Variants in ZNF804B observed in about 807,000 individuals in gnomAD.
ZNF804B encodes zinc finger protein 804B.
Under a neutral mutation model 101.4 loss-of-function variants are expected in ZNF804B, and 80 were observed. The observed-to-expected ratio is 0.79, with a 90% CI of 0.66 to 0.95. The LOEUF (loss-of-function observed/expected upper bound fraction) is 0.95, where lower values mean the gene tolerates loss of function less well. Among genes scored for constraint, ZNF804B ranks in the 40% least tolerant of loss-of-function variants. The pLI, the probability that ZNF804B is intolerant of heterozygous loss-of-function variation, is 0.00. For missense variants in ZNF804B, 1,673 were observed against 1,561.9 expected (o/e 1.07, Z -1.20); for synonymous variants, 622 against 558.8 (o/e 1.11, Z -1.59).
chr7:88,811,494 A>C (rs1790786550), intron 1 of ZNF804B, among the ~76,000 whole-genome samples: 1 of 152,218 alleles, frequency 6.6e-6, no homozygotes, highest in Admixed American at 6.5e-5. Context: ...AAGGACTATA[A>C]AACATTCTAT....
chr7:88,917,963 G>T (rs539711679), intron 1 of ZNF804B, among the ~76,000 whole-genome samples: 90 of 152,242 alleles, frequency 5.9e-4, no homozygotes, highest in African/African-American at 2.0e-3. Flanking sequence ...GTTAAGGAAA[G>T]AAATTAATGA....
At chr7:88,998,390 A>T (rs974031639) in intron 1 of ZNF804B, among the ~76,000 whole-genome samples, 1 of 152,076 alleles carries the variant, frequency 6.6e-6, no homozygotes, top group African/African-American at 2.4e-5. Context: ...CATAAATGAC[A>T]TTGGAAGAAA....
rs78422015 is a variant in ZNF804B, at chr7:89,073,753, A to C, written c.109-144402A>C. Among the ~76,000 whole-genome samples the C allele has an allele frequency of 1.9e-3, 289 of 152,288 alleles. 1 individual carries two copies. The highest frequency in any genetic ancestry group is 3.5e-3 in the Non-Finnish European group (239 of 68,018). ...CTCATCTGTGAAATAATCTGTGTACATCTTAAAATACTTTTGATCTGTGTT... is the reference window on the plus strand; with the variant it reads ...CTCATCTGTGAAATAATCTGTGTACCTCTTAAAATACTTTTGATCTGTGTT... On this transcript the variant is annotated intron_variant, in intron 1 of 3. Coordinates refer to ENST00000333190, the MANE Select transcript of ZNF804B (RefSeq NM_181646.5).
intron 1 of ZNF804B, among the ~76,000 whole-genome samples, chr7:88,991,567 A>T (rs1793847066): frequency 6.6e-6 from 1 of 152,154 alleles, no homozygotes; most frequent in African/African-American, 2.4e-5. Flanking sequence ...TTTCTCAGAA[A>T]ATCCAGGAAT....
At chr7:89,015,739 T>A (rs568601527) in intron 1 of ZNF804B, among the ~76,000 whole-genome samples, 2 of 152,336 alleles carry the variant, frequency 1.3e-5, no homozygotes, top group South Asian at 4.1e-4. Flanking sequence ...TCTATCATTG[T>A]TGGACATTTG....
intron 1 of ZNF804B, among the ~76,000 whole-genome samples, chr7:89,085,950 C>T (rs904388626): frequency 1.3e-5 from 2 of 151,768 alleles, no homozygotes; most frequent in African/African-American, 4.8e-5. Context: ...ATTGCTTTTC[C>T]AACCCATTTT....
intron 1 of ZNF804B, chr7:88,794,233 A>T: frequency 6.2e-7 from 1 of 1,613,442 alleles, no homozygotes; most frequent in South Asian, 1.1e-5. Context: ...AGTGATGTGT[A>T]TGGGTCTATT....
At chr7:88,858,648 C>G (rs78529339) in intron 1 of ZNF804B, among the ~76,000 whole-genome samples, 4,291 of 151,854 alleles carry the variant, frequency 0.028, 214 homozygotes, top group African/African-American at 0.098. Flanking sequence ...CAAGTACAGA[C>G]ATGATTAAAA....
At chr7:89,174,855 G>C (rs1791295402) in intron 1 of ZNF804B, among the ~76,000 whole-genome samples, 3 of 151,994 alleles carry the variant, frequency 2.0e-5, no homozygotes, top group Admixed American at 2.0e-4. Context: ...AGGATGTAGA[G>C]TGCCTTTTTA....
chr7:88,872,012 A>C (rs1791831408), intron 1 of ZNF804B, among the ~76,000 whole-genome samples: 1 of 152,036 alleles, frequency 6.6e-6, no homozygotes, highest in African/African-American at 2.4e-5. Flanking sequence ...ATATGTAGGA[A>C]ATTTTATGAT....
chr7:89,193,302 C>G (rs1222006018), intron 1 of ZNF804B, among the ~76,000 whole-genome samples: 2 of 137,314 alleles, frequency 1.5e-5, no homozygotes, highest in Admixed American at 1.5e-4. Context: ...TACTTTCTAT[C>G]TTTATTTTTT....
chr7:89,324,607 C>CTTTTTTTTTTTTTT (rs35905388), intron 2 of ZNF804B, among the ~76,000 whole-genome samples: 5 of 109,564 alleles, frequency 4.6e-5, no homozygotes, highest in African/African-American at 6.9e-5. Flanking sequence ...TACCTTCTTA[C>CTTTTTTTTTTTTTT]TTTTTTTTTT....
intron 1 of ZNF804B, among the ~76,000 whole-genome samples, chr7:89,183,226 T>A (rs556503913): frequency 6.6e-6 from 1 of 152,142 alleles, no homozygotes; most frequent in African/African-American, 2.4e-5. Flanking sequence ...TCATAAACCT[T>A]GACAGGAACA....
At chr7:89,200,098 T>C (rs1260208579) in intron 1 of ZNF804B, among the ~76,000 whole-genome samples, 2 of 151,792 alleles carry the variant, frequency 1.3e-5, no homozygotes, top group Non-Finnish European at 2.9e-5. Context: ...GAGAGTGATA[T>C]TGTTATCCTC....
intron 1 of ZNF804B, among the ~76,000 whole-genome samples, chr7:89,095,921 G>A (rs1318751463): frequency 6.6e-6 from 1 of 152,116 alleles, no homozygotes; most frequent in Non-Finnish European, 1.5e-5. Context: ...GCAGGCCAAG[G>A]CAGGCGGATC....
intron 1 of ZNF804B, among the ~76,000 whole-genome samples, chr7:89,179,643 C>A (rs559283176): frequency 6.6e-6 from 1 of 152,092 alleles, no homozygotes; most frequent in Non-Finnish European, 1.5e-5. Context: ...GTCACTGGTG[C>A]CTTACTTGGT....
At chr7:89,071,578 C>G (rs2116298151) in intron 1 of ZNF804B, among the ~76,000 whole-genome samples, 1 of 152,142 alleles carries the variant, frequency 6.6e-6, no homozygotes, top group African/African-American at 2.4e-5. Flanking sequence ...AGTAAATGTC[C>G]AATTCCATCA....
chr7:88,859,322 A>T lies in ZNF804B; in HGVS notation c.108+99238A>T, dbSNP rs142816280. On this transcript the variant is annotated intron_variant, in intron 1 of 3. Coordinates refer to ENST00000333190, the MANE Select transcript of ZNF804B (RefSeq NM_181646.5). ...GATACAACTAATGAGTTTAGCAGAA[A>T]AATTGGATTAGGCCATTTTTTCATC... is the stretch of plus-strand genomic sequence containing the variant. Among the ~76,000 whole-genome samples, 801 of 152,216 alleles carry T rather than the reference A, an allele frequency of 5.3e-3. 3 individuals carry two copies. The highest frequency in any genetic ancestry group is 7.8e-3 in the Non-Finnish European group (533 of 67,972).
Position 88,868,392 on chromosome 7 carries a change from G to T in ZNF804B, c.108+108308G>T, listed in dbSNP as rs1476512690. Among the ~76,000 whole-genome samples the T allele has an allele frequency of 1.6e-4, 24 of 152,230 alleles. No individual in the cohort carries two copies. In the South Asian group the frequency reaches 2.5e-3, roughly 16 times the overall value. ...GAATAAAGGTATTTGAGTATAATAT[G>T]TAATCTATTATTTTCTCATTACTTC... On this transcript the variant is annotated intron_variant, in intron 1 of 3. Coordinates refer to ENST00000333190, the MANE Select transcript of ZNF804B (RefSeq NM_181646.5).
Sources: gnomAD v4.1 joint callset for allele counts (sites outside exome capture counted in the v4.1 genomes callset) on GRCh38, gnomAD v4.1.1 for gene constraint, MANE v1.5 for transcripts, NCBI Gene and HGNC (gene_info 2026-07-23, HGNC 2026-07-21) for gene names.